GRIP1: variants seen among roughly 807,000 people sequenced by gnomAD.
GRIP1 encodes the protein glutamate receptor-interacting protein 1.
GRIP1 carries 45 observed loss-of-function variants against 129.9 expected under a neutral mutation model. The ratio of observed to expected loss-of-function variants is 0.35; its 90% confidence interval spans 0.27 to 0.44. The LOEUF is 0.44. GRIP1 is among the 20% of genes least tolerant of loss of function. GRIP1 has a pLI of 1.00. For synonymous variants in GRIP1, 530 were observed against 520.8 expected, an observed-to-expected ratio of 1.02 and a Z score of -0.24; for missense variants, 1,196 against 1,396.8, an observed-to-expected ratio of 0.86 and a Z score of 2.29.
At chr12:66,531,253 ATATATATATATATATATATATAT>A (rs1356231212) in intron 4 of GRIP1, among the ~76,000 whole-genome samples, 1,061 of 17,368 alleles carry the variant, frequency 0.061, 117 homozygotes, top group African/African-American at 0.2. Flanking sequence ...AAAAAAAAAA[ATATATATATATATATATATATAT>A]ATATATATAT....
chr12:66,666,133 C>T, intron 1 of GRIP1, among the ~76,000 whole-genome samples: 1 of 152,120 alleles, frequency 6.6e-6, no homozygotes, highest in East Asian at 1.9e-4. Flanking sequence ...ACGTTCCCTT[C>T]CTAGTTATAA....
chr12:66,957,789 C>T (rs904297089), intron 1 of GRIP1, among the ~76,000 whole-genome samples: 19 of 152,226 alleles, frequency 1.2e-4, no homozygotes, highest in Middle Eastern at 3.4e-3. Flanking sequence ...TGTCAGATTT[C>T]TTCACTGTAA....
chr12:67,048,922 A>G (rs2043297688), intron 1 of GRIP1, among the ~76,000 whole-genome samples: 1 of 152,016 alleles, frequency 6.6e-6, no homozygotes, highest in Non-Finnish European at 1.5e-5. Flanking sequence ...TTTTCTTCTT[A>G]GTCTTAGGTA....
rs566997064 is a variant in GRIP1 at position 66,974,070 on chromosome 12, G to A, written c.58+94980C>T. ...TCCTGAGTAGGTGGGGATTACAGGC[G>A]CCTGCCAACACGCCCAACTAATTTT... On this transcript the variant is annotated intron_variant, in intron 1 of 1. Coordinates refer to the GRIP1 transcript ENST00000643019. Among the ~76,000 whole-genome samples the A allele has an allele frequency of 8.6e-5, 13 of 151,780 alleles. No homozygotes were observed. The East Asian group carries it at 1.6e-3, about 18-fold the overall frequency.
intron 1 of GRIP1, among the ~76,000 whole-genome samples, chr12:67,003,717 A>AAAATAAATAAAT (rs2042585239): frequency 1.3e-5 from 2 of 151,952 alleles, no homozygotes; most frequent in Non-Finnish European, 2.9e-5. Context: ...TAAATAAATA[A>AAAATAAATAAAT]AAATAAATAA....
At chr12:66,751,735 C>T (rs565631070) in intron 1 of GRIP1, among the ~76,000 whole-genome samples, 20 of 152,292 alleles carry the variant, frequency 1.3e-4, no homozygotes, top group African/African-American at 4.3e-4. Context: ...AGAAACATTT[C>T]ATGGTTTGTT....
intron 1 of GRIP1, among the ~76,000 whole-genome samples, chr12:66,767,847 A>C (rs2037693704): frequency 6.6e-6 from 1 of 152,246 alleles, no homozygotes; most frequent in Admixed American, 6.5e-5. Flanking sequence ...TAACAAGATA[A>C]TAGCCTCGAG....
intron 1 of GRIP1, among the ~76,000 whole-genome samples, chr12:66,987,759 G>A (rs75792062): frequency 6.5e-4 from 99 of 152,274 alleles, no homozygotes; most frequent in African/African-American, 2.3e-3. Flanking sequence ...ACTCATTTCC[G>A]ATTCTCCCTG....
At chr12:66,602,456 G>C (rs1320008586) in intron 1 of GRIP1, among the ~76,000 whole-genome samples, 1 of 152,056 alleles carries the variant, frequency 6.6e-6, no homozygotes, top group Middle Eastern at 3.2e-3. Context: ...TATTTTTCTA[G>C]GGCCAAGCAA....
intron 2 of GRIP1, chr12:66,563,489 G>A (rs909202828): frequency 2.6e-5 from 4 of 152,794 alleles, no homozygotes. Context: ...ATCCTGTGTA[G>A]ATCTTATAAA....
chr12:67,034,747 T>C (rs1377688482), intron 1 of GRIP1, among the ~76,000 whole-genome samples: 1 of 152,196 alleles, frequency 6.6e-6, no homozygotes, highest in Non-Finnish European at 1.5e-5. Flanking sequence ...CACTGTGCTA[T>C]GATGCTCTGA....
chr12:67,000,205 T>A (rs879092663), intron 1 of GRIP1, among the ~76,000 whole-genome samples: 1 of 152,118 alleles, frequency 6.6e-6, no homozygotes, highest in Admixed American at 6.6e-5. Flanking sequence ...ATAAATAAAT[T>A]AGGTAAGTAC....
At chr12:66,714,707 T>C (rs2035815463) in intron 1 of GRIP1, among the ~76,000 whole-genome samples, 1 of 152,162 alleles carries the variant, frequency 6.6e-6, no homozygotes, top group South Asian at 2.1e-4. Context: ...ATTTGATGAG[T>C]ACTTATTATG....
intron 5 of GRIP1, among the ~76,000 whole-genome samples, chr12:66,522,680 A>C (rs561124839): frequency 1.8e-4 from 28 of 152,350 alleles, no homozygotes; most frequent in Non-Finnish European, 3.5e-4. Context: ...ACAGAGCTGG[A>C]TGGAGAATGA....
At chr12:66,855,997 T>C (rs906151819) in intron 1 of GRIP1, among the ~76,000 whole-genome samples, 1 of 151,950 alleles carries the variant, frequency 6.6e-6, no homozygotes, top group Admixed American at 6.6e-5. Context: ...AAAAAAGGGA[T>C]AGTTGAATCT....
At chr12:66,582,383 A>G (rs1338858144) in intron 2 of GRIP1, among the ~76,000 whole-genome samples, 1 of 145,788 alleles carries the variant, frequency 6.9e-6, no homozygotes, top group Non-Finnish European at 1.5e-5. Context: ...CCTATTCAAC[A>G]TAGTGTTGGA....
intron 1 of GRIP1, among the ~76,000 whole-genome samples, chr12:66,825,977 T>C (rs893578300): frequency 1.3e-5 from 2 of 152,198 alleles, no homozygotes; most frequent in Non-Finnish European, 2.9e-5. Flanking sequence ...CAAAGGATTA[T>C]AAATCATTCT....
At chr12:66,795,258 G>C (rs2038661838) in intron 1 of GRIP1, among the ~76,000 whole-genome samples, 1 of 152,152 alleles carries the variant, frequency 6.6e-6, no homozygotes, top group Non-Finnish European at 1.5e-5. Flanking sequence ...GCCACTGTTG[G>C]CGTCACATTC....
At chr12:66,603,164 T>C (rs1039467719) in intron 1 of GRIP1, among the ~76,000 whole-genome samples, 30 of 135,700 alleles carry the variant, frequency 2.2e-4, no homozygotes, top group Non-Finnish European at 8.0e-5. Flanking sequence ...TCTGGCTTTC[T>C]TTTACTTTTG....
Sources: gnomAD v4.1 joint callset for allele counts (sites outside exome capture counted in the v4.1 genomes callset) on GRCh38, gnomAD v4.1.1 for gene constraint, MANE v1.5 for transcripts, NCBI Gene and HGNC (gene_info 2026-07-23, HGNC 2026-07-21) for gene names.